Variants in PCSK6 observed in about 807,000 individuals in gnomAD.
The protein encoded by PCSK6 is proprotein convertase subtilisin/kexin type 6.
PCSK6 carries 85 observed loss-of-function variants against 123.3 expected under a neutral mutation model. The ratio of observed to expected loss-of-function variants is 0.69; its 90% CI spans 0.58 to 0.83. The LOEUF is 0.83. Ranked by LOEUF, PCSK6 falls within the 40% of genes least tolerant of loss-of-function variation. The pLI is 0.00. For missense variants in PCSK6, 1,191 were observed against 1,282.3 expected, an observed-to-expected ratio of 0.93 and a Z score of 1.09; for synonymous variants, 508 against 516.0, an observed-to-expected ratio of 0.98 and a Z score of 0.21.
chr15:101,487,998 A>G (rs1271636748), intron 1 of PCSK6, among the ~76,000 whole-genome samples: 1 of 152,222 alleles, frequency 6.6e-6, no homozygotes. Context: ...ATGTGCTAGC[A>G]TTCTTTCAGT....
intron 13 of PCSK6, among the ~76,000 whole-genome samples, chr15:101,362,292 G>A (rs2041254677): frequency 6.6e-6 from 1 of 152,200 alleles, no homozygotes; most frequent in African/African-American, 2.4e-5. Context: ...GCAAGAAAGA[G>A]GCAGTTTGGG....
At chr15:101,347,556 C>T (rs758920154) in intron 13 of PCSK6, 168 of 1,402,466 alleles carry the variant, frequency 1.2e-4, no homozygotes, top group African/African-American at 4.7e-4. Flanking sequence ...CATGCTTGCA[C>T]GCACACGCAT....
intron 13 of PCSK6, among the ~76,000 whole-genome samples, chr15:101,350,506 T>C (rs2040861855): frequency 6.6e-6 from 1 of 152,212 alleles, no homozygotes; most frequent in Non-Finnish European, 1.5e-5. Context: ...CTTTTTAGCA[T>C]ATGGAGAATT....
intron 1 of PCSK6, among the ~76,000 whole-genome samples, chr15:101,482,900 G>A (rs529928397): frequency 2.0e-5 from 3 of 152,242 alleles, no homozygotes; most frequent in South Asian, 2.1e-4. Flanking sequence ...CAGCTGGCTC[G>A]GCTTTGATCA....
intron 6 of PCSK6, among the ~76,000 whole-genome samples, chr15:101,422,004 A>C (rs773901885): frequency 7.2e-5 from 11 of 152,236 alleles, no homozygotes; most frequent in Non-Finnish European, 1.5e-4. Flanking sequence ...AGACCACTGA[A>C]GAACAACCAG....
intron 6 of PCSK6, among the ~76,000 whole-genome samples, chr15:101,403,437 AG>A (rs199693943): frequency 0.1 from 14,904 of 148,844 alleles, 1,750 homozygotes; most frequent in African/African-American, 0.28. Flanking sequence ...TTAAAAAAAA[AG>A]AGAGAGAAAA....
chr15:101,402,171 A>C (rs1320254831), intron 6 of PCSK6, among the ~76,000 whole-genome samples: 2 of 146,598 alleles, frequency 1.4e-5, no homozygotes, highest in Non-Finnish European at 3.0e-5. Flanking sequence ...CAATGGGGAA[A>C]GGATTCCCTA....
chr15:101,414,741 C>A lies in PCSK6; in HGVS notation c.823+13151G>T, dbSNP rs527419021. Among the ~76,000 whole-genome samples, 26 of 151,972 alleles carry A rather than the reference C, an allele frequency of 1.7e-4. No individual in the cohort carries two copies. The South Asian group carries it at 5.2e-3, about 30-fold the overall frequency. ...AGGCAGGTAAAGACAGATTGGTAGA[C>A]AGATGGACGGACAGATGGATGGATG... is the stretch of plus-strand genomic sequence containing the variant. On this transcript the variant is annotated intron_variant, in intron 6 of 21. Coordinates refer to ENST00000611716, the MANE Select transcript of PCSK6 (RefSeq NM_002570.5).
At chr15:101,404,196 A>C (rs2042700382) in intron 6 of PCSK6, among the ~76,000 whole-genome samples, 1 of 152,188 alleles carries the variant, frequency 6.6e-6, no homozygotes, top group South Asian at 2.1e-4. Context: ...CTCCCTGTGA[A>C]GATCAAAGGA....
Position 101,364,166 on chromosome 15 carries a change from G to T in PCSK6, c.1858+2030C>A, listed in dbSNP as rs543908576. 1.2e-4 allele frequency among the ~76,000 whole-genome samples: 18 copies of T among 152,210 alleles called. 1 individual carries two copies. The highest frequency in any genetic ancestry group is 4.1e-4 in the African/African-American group (17 of 41,554). ...TGGAAAAGAACCAGGGCAGGGGAAGGTTCTCACGCACTCCCAGGGTGACCA... is the reference window on the plus strand; with the variant it reads ...TGGAAAAGAACCAGGGCAGGGGAAGTTTCTCACGCACTCCCAGGGTGACCA... On this transcript the variant is annotated intron_variant, in intron 13 of 21. Coordinates refer to ENST00000611716, the MANE Select transcript of PCSK6 (RefSeq NM_002570.5).
At chr15:101,428,039 T>A in intron 5 of PCSK6, 59 bp from the exon 6 acceptor site, 1 of 1,357,660 alleles carries the variant, frequency 7.4e-7, no homozygotes, top group Non-Finnish European at 1.0e-6. Flanking sequence ...GTGAATTCAG[T>A]GCCTGGCTCA....
intron 11 of PCSK6, among the ~76,000 whole-genome samples, chr15:101,371,739 G>C (rs923598057): frequency 6.6e-6 from 1 of 152,174 alleles, no homozygotes; most frequent in African/African-American, 2.4e-5. Context: ...TCCAGGCCTC[G>C]CTGCCTCGAA....
At chr15:101,395,464 T>G (rs2042381609) in intron 7 of PCSK6, among the ~76,000 whole-genome samples, 1 of 152,104 alleles carries the variant, frequency 6.6e-6, no homozygotes, top group Non-Finnish European at 1.5e-5. Flanking sequence ...GACCAACCCA[T>G]CCTCATAGGC....
chr15:101,466,278 C>T (rs143182002), intron 1 of PCSK6, among the ~76,000 whole-genome samples: 214 of 152,286 alleles, frequency 1.4e-3, no homozygotes, highest in Non-Finnish European at 2.3e-3. Context: ...CAGGAACATA[C>T]GTTCAACGTC....
chr15:101,417,887 TA>T (rs5815011), intron 6 of PCSK6, among the ~76,000 whole-genome samples: 37,585 of 151,760 alleles, frequency 0.25, 4,905 homozygotes, highest in East Asian at 0.38. Flanking sequence ...TTTTAACTTT[TA>T]CTTTAGATTC....
chr15:101,310,691 T>C (rs1274265761), intron 20 of PCSK6, among the ~76,000 whole-genome samples: 2 of 152,094 alleles, frequency 1.3e-5, no homozygotes, highest in African/African-American at 4.8e-5. Context: ...CCCTCTGCTG[T>C]GGGTCAGACA....
chr15:101,362,632 C>T (rs1160509459), intron 13 of PCSK6, among the ~76,000 whole-genome samples: 1 of 152,174 alleles, frequency 6.6e-6, no homozygotes, highest in East Asian at 1.9e-4. Flanking sequence ...CTGCCAACGT[C>T]GCTGTGTGCC....
At chr15:101,364,110 T>A (rs369042579) in intron 13 of PCSK6, among the ~76,000 whole-genome samples, 275 of 152,296 alleles carry the variant, frequency 1.8e-3, no homozygotes, top group African/African-American at 5.1e-3. Context: ...ATGGTTTTTT[T>A]AATTTTGCTT....
At chr15:101,464,683 G>A (rs978694198) in intron 1 of PCSK6, among the ~76,000 whole-genome samples, 1 of 152,176 alleles carries the variant, frequency 6.6e-6, no homozygotes, top group Non-Finnish European at 1.5e-5. Flanking sequence ...TGGGAGGCTG[G>A]AGGGATCTAC....
Sources: allele counts gnomAD v4.1 joint callset (sites outside exome capture counted in the v4.1 genomes callset), GRCh38; gene constraint gnomAD v4.1.1; transcripts MANE v1.5; gene names NCBI Gene and HGNC (gene_info 2026-07-23, HGNC 2026-07-21).